The following ZNF860 variants were observed in gnomAD, a reference collection of about 807,000 sequenced individuals.
ZNF860 encodes zinc finger protein 860.
For synonymous variants in ZNF860, 206 were observed against 248.9 expected (o/e 0.83, Z 1.62); for missense variants, 641 against 759.2 (o/e 0.84, Z 1.83).
downstream of ZNF860, among the ~76,000 whole-genome samples, chr3:31,995,049 A>G (rs1279244477): frequency 2.0e-5 from 3 of 152,216 alleles, no homozygotes; most frequent in African/African-American, 7.2e-5. Flanking sequence ...ACATGCTTTA[A>G]GGGGCAAAAA....
chr3:31,985,175 G>A (rs1698917586), intron 1 of ZNF860, among the ~76,000 whole-genome samples: 1 of 152,202 alleles, frequency 6.6e-6, no homozygotes, highest in African/African-American at 2.4e-5. Flanking sequence ...GAAGGCAGAG[G>A]TTGCAGTGAG....
Position 31,989,739 on chromosome 3 carries a change from A to C in ZNF860, c.660A>C (p.Lys220Asn), listed in dbSNP as rs779798510. ...NFFHSSLLTLKQEVHIREKSF... is the reference protein window; with the variant it reads ...NFFHSSLLTLNQEVHIREKSF... Reference sequence around the variant, plus strand: ...TCCATTCATCATTACTCACACTAAAACAGGAAGTACACATAAGAGAAAAAT... The same window carrying C: ...TCCATTCATCATTACTCACACTAAACCAGGAAGTACACATAAGAGAAAAAT... The change falls in exon 2 of 2, where the codon AAA (lysine) becomes AAC (asparagine). Residue 220 changes from lysine to asparagine, a missense_variant. Lys to Asn is a moderately conservative substitution (Grantham distance 94, BLOSUM62 0). Transcript: ENST00000360311. The C allele has an allele frequency of 1.1e-5, 18 of 1,614,028 alleles. No homozygotes were observed. In the African/African-American group the frequency reaches 2.0e-4, roughly 18 times the overall value.
chr3:32,004,976 C>G, the ZNF860 span, among the ~76,000 whole-genome samples: 1 of 152,176 alleles, frequency 6.6e-6, no homozygotes, highest in Non-Finnish European at 1.5e-5. Flanking sequence ...TAATAAGTAT[C>G]CTTGGATAGG....
chr3:31,998,311 T>A, the ZNF860 span, among the ~76,000 whole-genome samples: 1 of 152,130 alleles, frequency 6.6e-6, no homozygotes, highest in Non-Finnish European at 1.5e-5. Context: ...ATACTCCCCA[T>A]CAGCATATCT....
At chr3:32,006,323 T>C in the ZNF860 span, among the ~76,000 whole-genome samples, 2 of 152,224 alleles carry the variant, frequency 1.3e-5, no homozygotes, top group African/African-American at 4.8e-5. Context: ...ACTTTGTGTA[T>C]TTTTCTGTTG....
chr3:31,989,791 G>A lies in ZNF860; in HGVS notation c.712G>A (p.Ala238Thr), dbSNP rs760492361. The change falls in exon 2 of 2, where the codon GCC (alanine) becomes ACC (threonine). Residue 238 changes from alanine (A) to threonine (T), a missense_variant. Physicochemically the swap from Ala to Thr is moderately conservative, Grantham distance 58. Coordinates refer to ENST00000360311, the MANE Select transcript of ZNF860 (RefSeq NM_001137674.3). ...KSFQCNESGK[A>T]FNCSSLLRKH... The stretch of plus-strand genomic sequence containing the variant: ...TTTCCAATGTAATGAGAGTGGCAAA[G>A]CCTTTAATTGTAGCTCACTCTTAAG... 1 of 1,614,166 alleles carries A rather than the reference G, an allele frequency of 6.2e-7. No individual in the cohort carries two copies. The highest frequency in any genetic ancestry group is 2.2e-5 in the East Asian group (1 of 44,870).
chr3:31,983,188 A>G (rs1386559122), intron 1 of ZNF860, among the ~76,000 whole-genome samples: 1 of 152,220 alleles, frequency 6.6e-6, no homozygotes, highest in Non-Finnish European at 1.5e-5. Flanking sequence ...TAACTTACTG[A>G]TCATATATGA....
downstream of ZNF860, among the ~76,000 whole-genome samples, chr3:31,992,546 C>G (rs983390040): frequency 3.9e-5 from 6 of 152,116 alleles, no homozygotes; most frequent in Non-Finnish European, 8.8e-5. Flanking sequence ...CCCCTTTCAG[C>G]AAGGACATCA....
chr3:31,989,046 G>T lies in ZNF860; in HGVS notation c.-34G>T, dbSNP rs761026422. Reference sequence around the variant, plus strand: ...CAGGAAGCAGATCGCCTCAGTGAAGGTCACACTGCAGCACTATTGATTTCT... The same window carrying T: ...CAGGAAGCAGATCGCCTCAGTGAAGTTCACACTGCAGCACTATTGATTTCT... On this transcript the variant is annotated 5_prime_UTR_variant, in exon 2 of 2. Coordinates refer to ENST00000360311, the MANE Select transcript of ZNF860 (RefSeq NM_001137674.3). 2 of 1,611,516 alleles carry T rather than the reference G, an allele frequency of 1.2e-6. No individual in the cohort carries two copies. Among genetic ancestry groups the T allele is most frequent in the African/African-American group, 1.3e-5 (1 of 74,906 alleles).
chr3:31,984,291 C>T (rs1054675343), intron 1 of ZNF860, among the ~76,000 whole-genome samples: 3 of 151,644 alleles, frequency 2.0e-5, no homozygotes, highest in Admixed American at 1.3e-4. Context: ...CCGCCCACCT[C>T]GGCCTCCCAA....
At chr3:31,998,658 T>G in the ZNF860 span, among the ~76,000 whole-genome samples, 1 of 152,238 alleles carries the variant, frequency 6.6e-6, no homozygotes, top group African/African-American at 2.4e-5. Flanking sequence ...AATTCCCCAC[T>G]TTATAGCTGT....
At chr3:31,982,209 C>G (rs952953927) in intron 1 of ZNF860, among the ~76,000 whole-genome samples, 1 of 152,182 alleles carries the variant, frequency 6.6e-6, no homozygotes, top group South Asian at 2.1e-4. Flanking sequence ...GAAGGATTCT[C>G]TGTGTTGGCT....
At chr3:31,983,588 A>T (rs919183497) in intron 1 of ZNF860, among the ~76,000 whole-genome samples, 1 of 152,216 alleles carries the variant, frequency 6.6e-6, no homozygotes, top group East Asian at 1.9e-4. Context: ...AGATGTGCTG[A>T]AAGTAGAGGC....
the ZNF860 span, among the ~76,000 whole-genome samples, chr3:31,999,742 A>G: frequency 2.0e-5 from 3 of 152,174 alleles, no homozygotes; most frequent in Admixed American, 2.0e-4. Context: ...TGCTATGCCC[A>G]GATGTCAGGG....
In ZNF860 at chr3:31,990,377, A is replaced by T; in HGVS notation, c.1298A>T (p.Lys433Ile). 1 of 1,614,098 alleles carries T rather than the reference A, an allele frequency of 6.2e-7. No homozygotes were observed. The highest frequency in any genetic ancestry group is 1.1e-5 in the South Asian group (1 of 91,084). The change falls in exon 2 of 2, where the codon AAA (lysine) becomes ATA (isoleucine). Residue 433 changes from lysine to isoleucine, a missense_variant. Lys to Ile is a moderately radical substitution (Grantham distance 102). Transcript: ENST00000360311. The part of the protein sequence containing the change: ...ERSYKCNKCG[K>I]FFRRRSYLVV... ...TCTTACAAGTGTAATAAATGTGGCA[A>T]ATTTTTTAGACGTCGTTCATATCTC...
At chr3:32,000,563 C>T in the ZNF860 span, among the ~76,000 whole-genome samples, 2 of 152,198 alleles carry the variant, frequency 1.3e-5, no homozygotes, top group Non-Finnish European at 2.9e-5. Context: ...TTATCTAACA[C>T]ACTCTAAAAG....
At chr3:31,997,173 C>T in the ZNF860 span, among the ~76,000 whole-genome samples, 1 of 152,094 alleles carries the variant, frequency 6.6e-6, no homozygotes, top group African/African-American at 2.4e-5. Context: ...GATTTATGTG[C>T]ACAGCAGAGC....
At chr3:31,999,421 C>T in the ZNF860 span, among the ~76,000 whole-genome samples, 1 of 143,310 alleles carries the variant, frequency 7.0e-6, no homozygotes, top group African/African-American at 2.7e-5. Flanking sequence ...AGTACAATGG[C>T]ACAATCTCGG....
At chr3:31,985,413 A>G (rs1472888254) in intron 1 of ZNF860, among the ~76,000 whole-genome samples, 1 of 152,234 alleles carries the variant, frequency 6.6e-6, no homozygotes, top group Non-Finnish European at 1.5e-5. Context: ...GAATGAAGCT[A>G]TGCATGATTG....
Sources: allele counts gnomAD v4.1 joint callset (sites outside exome capture counted in the v4.1 genomes callset), GRCh38; gene constraint gnomAD v4.1.1; transcripts MANE v1.5; gene names NCBI Gene and HGNC (gene_info 2026-07-23, HGNC 2026-07-21).